CPQ: variants seen among roughly 807,000 people sequenced by gnomAD.
The protein encoded by CPQ is Ser-Met dipeptidase.
A neutral mutation model predicts 45.7 loss-of-function variants in CPQ; 37 were observed. That is an observed-to-expected ratio of 0.81 (90% CI 0.62 to 1.07). CPQ has a LOEUF of 1.07. CPQ is among the 50% of genes least tolerant of loss of function. CPQ has a pLI of 0.00. For missense variants in CPQ, 537 were observed against 572.9 expected, an observed-to-expected ratio of 0.94 and a Z score of 0.64; for synonymous variants, 186 against 205.8, an observed-to-expected ratio of 0.90 and a Z score of 0.82.
chr8:96,836,028 A>G (rs1420495167), intron 3 of CPQ, among the ~76,000 whole-genome samples: 1 of 152,214 alleles, frequency 6.6e-6, no homozygotes, highest in African/African-American at 2.4e-5. Context: ...TGGCAGTGTC[A>G]TACGTTAAGG....
chr8:96,777,770 T>A (rs1467282591), intron 1 of CPQ, among the ~76,000 whole-genome samples: 10 of 92,472 alleles, frequency 1.1e-4, no homozygotes, highest in South Asian at 8.0e-4. Context: ...ATTTTTTTTT[T>A]TTTTTTTTTT....
intron 1 of CPQ, among the ~76,000 whole-genome samples, chr8:96,706,103 G>T (rs1007401255): frequency 2.6e-5 from 4 of 152,080 alleles, no homozygotes; most frequent in Non-Finnish European, 2.9e-5. Flanking sequence ...AATGTTAAAG[G>T]CTTGCTGACA....
At chr8:97,065,952 C>T (rs533412330) in intron 6 of CPQ, 57 bp from the exon 7 acceptor site, 39 of 1,539,656 alleles carry the variant, frequency 2.5e-5, no homozygotes, top group African/African-American at 1.2e-4. Context: ...TGATAGTTCC[C>T]AAGGAGAAAG....
At chr8:96,695,440 G>A (rs1488223645) in intron 1 of CPQ, among the ~76,000 whole-genome samples, 9 of 150,482 alleles carry the variant, frequency 6.0e-5, no homozygotes, top group African/African-American at 2.2e-4. Context: ...ATTGACAAAT[G>A]GGATCTAATT....
intron 3 of CPQ, among the ~76,000 whole-genome samples, chr8:96,871,536 T>G (rs1348484907): frequency 6.7e-6 from 1 of 149,084 alleles, no homozygotes; most frequent in Non-Finnish European, 1.5e-5. Context: ...TCCAGGTTTT[T>G]TTTTTTTTTT....
chr8:96,747,062 G>A (rs1037424926), intron 1 of CPQ, among the ~76,000 whole-genome samples: 2 of 152,084 alleles, frequency 1.3e-5, no homozygotes, highest in Admixed American at 6.5e-5. Context: ...AGGCTGAGGC[G>A]GGTGGATCAC....
chr8:97,134,851 T>G (rs900738636), intron 7 of CPQ, among the ~76,000 whole-genome samples: 1 of 152,196 alleles, frequency 6.6e-6, no homozygotes, highest in Non-Finnish European at 1.5e-5. Context: ...GCCAATTCAA[T>G]GAAATCATCT....
chr8:97,051,761 C>G (rs1810368470), intron 6 of CPQ, among the ~76,000 whole-genome samples: 1 of 152,130 alleles, frequency 6.6e-6, no homozygotes, highest in African/African-American at 2.4e-5. Flanking sequence ...AAGTAACTTG[C>G]CTAATATTAT....
intron 4 of CPQ, among the ~76,000 whole-genome samples, chr8:96,942,326 A>G (rs1436884446): frequency 6.6e-6 from 1 of 152,186 alleles, no homozygotes; most frequent in Non-Finnish European, 1.5e-5. Context: ...AATTGTTTGT[A>G]TGTAATGCCA....
At chr8:96,979,158 G>A (rs552880149) in intron 5 of CPQ, among the ~76,000 whole-genome samples, 12 of 152,240 alleles carry the variant, frequency 7.9e-5, no homozygotes, top group Middle Eastern at 3.4e-3. Context: ...GGTGGGAAAC[G>A]AGTAAAGTGA....
intron 5 of CPQ, among the ~76,000 whole-genome samples, chr8:96,976,630 T>C (rs1470554473): frequency 6.6e-6 from 1 of 152,024 alleles, no homozygotes; most frequent in African/African-American, 2.4e-5. Flanking sequence ...CAAAACAGCA[T>C]GGTACTGGTA....
At chr8:97,127,740 A>T (rs1380902617) in intron 7 of CPQ, among the ~76,000 whole-genome samples, 1 of 152,202 alleles carries the variant, frequency 6.6e-6, no homozygotes, top group Non-Finnish European at 1.5e-5. Flanking sequence ...AAGACAAGAC[A>T]TTGCTAACAT....
At chr8:96,675,283 T>C (rs1019745687) in intron 1 of CPQ, among the ~76,000 whole-genome samples, 3 of 152,004 alleles carry the variant, frequency 2.0e-5, no homozygotes, top group African/African-American at 4.8e-5. Context: ...TTCTTTTTTC[T>C]TTTTAGTTAA....
At chr8:96,758,280 C>T (rs766495302) in intron 1 of CPQ, among the ~76,000 whole-genome samples, 36 of 152,156 alleles carry the variant, frequency 2.4e-4, no homozygotes, top group Non-Finnish European at 4.6e-4. Context: ...TTGCTGCTCA[C>T]TATATTTCTC....
intron 1 of CPQ, among the ~76,000 whole-genome samples, chr8:96,712,963 T>A (rs1003176523): frequency 1.3e-5 from 2 of 152,086 alleles, no homozygotes; most frequent in African/African-American, 4.8e-5. Flanking sequence ...CCTTAGGAGT[T>A]TTTTCTGCCA....
chr8:97,101,565 CTTTTTTCTTTTTTTTTTT>C (rs1385326394), intron 7 of CPQ, among the ~76,000 whole-genome samples: 1 of 87,476 alleles, frequency 1.1e-5, no homozygotes, highest in African/African-American at 4.5e-5. Context: ...GTCTTTTTTT[CTTTTTTCTTTTTTTTTTT>C]TTTTTTTTGC....
Position 97,133,411 on chromosome 8 carries a change from T to C in CPQ, c.1256-9609T>C, listed in dbSNP as rs1326648528. 6 of 152,120 alleles carry C rather than the reference T, an allele frequency of 3.9e-5. No homozygotes were observed. In the South Asian group the frequency reaches 6.2e-4, roughly 16 times the overall value. The allele number at this position is 152,120 out of a possible 1,614,324, so 9.4% of individuals were successfully genotyped here. On this transcript the variant is annotated intron_variant, in intron 7 of 7. Coordinates refer to ENST00000220763, the MANE Select transcript of CPQ (RefSeq NM_016134.4). ...AAATCATGAATGGGGACTTTGTGAG[T>C]CACTTAACATTTGCAAGAAGCATAT...
chr8:96,984,595 C>T lies in CPQ; in HGVS notation c.961+18549C>T, dbSNP rs1270819091. ...ATCTTGAACTTGTCAGGCTTTAGAA[C>T]TGTGAGAAAATAAATTCCTGTTCTT... On this transcript the variant is annotated intron_variant, in intron 5 of 7. Transcript: ENST00000220763. Among the ~76,000 whole-genome samples the T allele has an allele frequency of 2.0e-5, 3 of 152,168 alleles. No individual in the cohort carries two copies. In the East Asian group the frequency reaches 5.8e-4, roughly 29 times the overall value.
intron 5 of CPQ, among the ~76,000 whole-genome samples, chr8:97,003,870 C>T (rs1018855946): frequency 2.0e-5 from 3 of 152,098 alleles, no homozygotes; most frequent in African/African-American, 7.2e-5. Flanking sequence ...ATTTTTTTGA[C>T]TATCATTATC....
Sources: gnomAD v4.1 joint callset for allele counts (sites outside exome capture counted in the v4.1 genomes callset) on GRCh38, gnomAD v4.1.1 for gene constraint, MANE v1.5 for transcripts, NCBI Gene and HGNC (gene_info 2026-07-23, HGNC 2026-07-21) for gene names.